Variants in MN1 observed in about 807,000 individuals in gnomAD.
MN1 encodes the protein MN1 proto-oncogene, transcriptional regulator.
MN1 carries 19 observed loss-of-function variants against 86.9 expected under a neutral mutation model. The ratio of observed to expected loss-of-function variants is 0.22; its 90% CI spans 0.15 to 0.32. The LOEUF (loss-of-function observed/expected upper bound fraction) is 0.32, where lower values mean the gene tolerates loss of function less well. Ranked by LOEUF, MN1 falls within the 10% of genes least tolerant of loss-of-function variation. MN1 has a pLI of 1.00. For synonymous variants in MN1, 928 were observed against 849.6 expected (o/e 1.09, Z -1.60); for missense variants, 1,841 against 1,862.0 (o/e 0.99, Z 0.21).
rs2146317476 is a variant in MN1 at position 27,799,017 on chromosome 22, C to T, written c.1527G>A (p.Gly509=). ...TPPVPDSFPS[G]PPLQHPAPDH... Reference sequence around the variant, plus strand: ...CCGGGGCCGGATGCTGCAGGGGCGGCCCCGAAGGGAAGCTGTCGGGCACAG... The same window carrying T: ...CCGGGGCCGGATGCTGCAGGGGCGGTCCCGAAGGGAAGCTGTCGGGCACAG... The change falls in exon 1 of 2, where the codon GGG becomes GGA. Residue 509 remains glycine (G), a synonymous_variant. Coordinates refer to ENST00000302326, the MANE Select transcript of MN1 (RefSeq NM_002430.3). 1 of 1,611,084 alleles carries T rather than the reference C, an allele frequency of 6.2e-7. No homozygotes were observed. The highest frequency in any genetic ancestry group is 8.5e-7 in the Non-Finnish European group (1 of 1,179,184).
chr22:27,771,219 C>A (rs1392827620), intron 1 of MN1, among the ~76,000 whole-genome samples: 4 of 86,646 alleles, frequency 4.6e-5, no homozygotes, highest in South Asian at 4.7e-4. Flanking sequence ...TTTTCCCTAA[C>A]TTTTTTTTTT....
intron 1 of MN1, among the ~76,000 whole-genome samples, chr22:27,755,183 T>C (rs925937928): frequency 2.6e-5 from 4 of 152,210 alleles, no homozygotes; most frequent in Non-Finnish European, 5.9e-5. Context: ...CCAAATGCCC[T>C]GTATCTGGGC....
chr22:27,756,575 C>A (rs1932803477), intron 1 of MN1, among the ~76,000 whole-genome samples: 1 of 152,102 alleles, frequency 6.6e-6, no homozygotes, highest in African/African-American at 2.4e-5. Flanking sequence ...ATCAAGGGCT[C>A]CCTGGGTACT....
Position 27,750,926 on chromosome 22 carries a change from C to A in MN1, c.3952G>T (p.Ala1318Ser). 1.3e-6 allele frequency: 2 copies of A among 1,593,722 alleles called. No individual in the cohort carries two copies. Among genetic ancestry groups the A allele is most frequent in the Non-Finnish European group, 1.7e-6 (2 of 1,167,828 alleles). ...ISNRFGTFVA[A>S]LT Reference sequence around the variant, plus strand: ...ATCTTTCTTGTCATTCAAGTTAGGGCAGCCACGAATGTCCCAAATCTGTTG... The same window carrying A: ...ATCTTTCTTGTCATTCAAGTTAGGGAAGCCACGAATGTCCCAAATCTGTTG... The change falls in exon 2 of 2, where the codon GCC becomes TCC. Residue 1318 changes from alanine (A) to serine (S), a missense_variant. Transcript: ENST00000302326.
chr22:27,796,726 C>G lies in MN1; in HGVS notation c.3781+37G>C, dbSNP rs746292724. On this transcript the variant is annotated intron_variant, in intron 1 of 1. Coordinates refer to ENST00000302326, the MANE Select transcript of MN1 (RefSeq NM_002430.3). ...GTCCTGCCCTGGGGATGGGGCGGGT[C>G]ACCCGGGAAGTGAGAGGAAAACGAG... The G allele has an allele frequency of 9.7e-6, 15 of 1,541,070 alleles. 1 individual carries two copies. In the South Asian group the frequency reaches 1.8e-4, roughly 19 times the overall value.
rs992280372 is a variant in MN1 at position 27,750,722 on chromosome 22, C to A, written c.*193G>T. 3 of 441,106 alleles carry A rather than the reference C, an allele frequency of 6.8e-6. No homozygotes were observed. The highest frequency in any genetic ancestry group is 1.2e-5 in the Non-Finnish European group (3 of 253,592). The allele number at this position is 441,106 out of a possible 1,614,324, so 27.3% of individuals were successfully genotyped here. A position where few individuals can be genotyped will look rare whatever the true frequency, so the allele number is the denominator to read the frequency against. ...CTTTTTTAAAAAAACTTTTGAGGTT[C>A]CCCCCCTTTAAATTAACCCTTTCCG... On this transcript the variant is annotated 3_prime_UTR_variant, in exon 2 of 2. Transcript: ENST00000302326.
chr22:27,800,898 A>G lies in MN1; in HGVS notation c.-355T>C. 2 of 404,200 alleles carry G rather than the reference A, an allele frequency of 4.9e-6. No homozygotes were observed. Among genetic ancestry groups the G allele is most frequent in the African/African-American group, 2.0e-5 (1 of 48,938 alleles). 25.0% of individuals were successfully genotyped at this position (404,200 alleles called of 1,614,324 possible). A position where few individuals can be genotyped will look rare whatever the true frequency, so the allele number is the denominator to read the frequency against. ...CGGAGACAAAAAGTTAAGTGGGGGG[A>G]ATGGGGAGGGAAGGGGGTTGGGAGA... On this transcript the variant is annotated 5_prime_UTR_variant, in exon 1 of 2. Transcript: ENST00000302326.
At chr22:27,752,590 A>G (rs1932775371) in intron 1 of MN1, among the ~76,000 whole-genome samples, 1 of 152,230 alleles carries the variant, frequency 6.6e-6, no homozygotes, top group African/African-American at 2.4e-5. Context: ...AGACCAAAGC[A>G]GGGAATTTGC....
At chr22:27,760,087 C>T (rs909280825) in intron 1 of MN1, among the ~76,000 whole-genome samples, 3 of 152,292 alleles carry the variant, frequency 2.0e-5, no homozygotes, top group Admixed American at 1.3e-4. Flanking sequence ...TGGTGGCTCA[C>T]ACCTGTAATC....
At chr22:27,790,876 G>A (rs2146311918) in intron 1 of MN1, among the ~76,000 whole-genome samples, 1 of 152,242 alleles carries the variant, frequency 6.6e-6, no homozygotes, top group Admixed American at 6.5e-5. Context: ...AGGAGGCCCG[G>A]GAGGCTGAGA....
intron 1 of MN1, among the ~76,000 whole-genome samples, chr22:27,785,701 G>A (rs995831892): frequency 6.6e-6 from 1 of 151,910 alleles, no homozygotes; most frequent in African/African-American, 2.4e-5. Context: ...TTAAAACCAG[G>A]AGTCTAGAAA....
Position 27,797,569 on chromosome 22 carries a change from C to G in MN1, c.2975G>C (p.Gly992Ala). ...SGAAVGGSSAGETRGAPTPHE... is the reference protein window; with the variant it reads ...SGAAVGGSSAAETRGAPTPHE... ...GGGCGTCGGTGCCCCGCGCGTCTCGCCTGCGGAGCTTCCCCCGACGGCTGC... is the reference window on the plus strand; with the variant it reads ...GGGCGTCGGTGCCCCGCGCGTCTCGGCTGCGGAGCTTCCCCCGACGGCTGC... Residue 992 changes from glycine (G) to alanine (A), a missense_variant, in exon 1 of 2, where the codon GGC becomes GCC. Transcript: ENST00000302326. The G allele has an allele frequency of 6.2e-7, 1 of 1,604,986 alleles. No individual in the cohort carries two copies. Among genetic ancestry groups the G allele is most frequent in the Non-Finnish European group, 8.5e-7 (1 of 1,175,910 alleles).
chr22:27,770,872 T>C (rs76570751), intron 1 of MN1, among the ~76,000 whole-genome samples: 6,330 of 151,982 alleles, frequency 0.042, 162 homozygotes, highest in East Asian at 0.059. Context: ...TTGCCTAGGC[T>C]GGTCTTGAAC....
intron 1 of MN1, among the ~76,000 whole-genome samples, chr22:27,761,763 C>A (rs891764997): frequency 8.5e-5 from 13 of 152,238 alleles, no homozygotes; most frequent in Non-Finnish European, 1.5e-4. Flanking sequence ...GGCCTCGCGC[C>A]GGCCGCTGCA....
At chr22:27,757,644 A>G (rs995733989) in intron 1 of MN1, among the ~76,000 whole-genome samples, 10 of 152,042 alleles carry the variant, frequency 6.6e-5, no homozygotes, top group African/African-American at 2.2e-4. Context: ...GCGGGGAGAC[A>G]TTGGGTTCTG....
rs1283508995 is a variant in MN1 at position 27,799,133 on chromosome 22, C to T, written c.1411G>A (p.Ala471Thr). 6.2e-7 allele frequency: 1 copy of T among 1,604,602 alleles called. No individual in the cohort carries two copies. The change falls in exon 1 of 2, where the codon GCT becomes ACT. Residue 471 changes from alanine to threonine, a missense_variant. By Grantham distance (58) the Ala-to-Thr change is moderately conservative. Transcript: ENST00000302326. The part of the protein sequence containing the change: ...FPGSAGVDRC[A>T]SWNGSMHNGA... ...TTGTGCATGCTGCCGTTCCACGAAG[C>T]GCAGCGGTCCACTCCCGCGCTGCCC...
At chr22:27,782,900 T>G (rs1023420287) in intron 1 of MN1, among the ~76,000 whole-genome samples, 1 of 152,146 alleles carries the variant, frequency 6.6e-6, no homozygotes, top group African/African-American at 2.4e-5. Flanking sequence ...CTTGTCAATT[T>G]TATCTATGAG....
At position 27,797,898 on chromosome 22, in the gene MN1, C is replaced by A; in HGVS notation, c.2646G>T (p.Gly882=). The A allele has an allele frequency of 6.3e-7, 1 of 1,598,672 alleles. No homozygotes were observed. The highest frequency in any genetic ancestry group is 8.5e-7 in the Non-Finnish European group (1 of 1,172,600). The change falls in exon 1 of 2, where the codon GGG becomes GGT. Residue 882 remains glycine, a synonymous_variant. Transcript: ENST00000302326. ...CGGGTCCTGGGGCCCCAGGAGCAGT[C>A]CCTCCTGGGAAGTAATCCGAGCCCG... ...GNPGSDYFPG[G]TAPGAPGPGG...
chr22:27,784,361 C>T (rs1933093074), intron 1 of MN1, among the ~76,000 whole-genome samples: 1 of 152,202 alleles, frequency 6.6e-6, no homozygotes, highest in South Asian at 2.1e-4. Flanking sequence ...CAGCCTTTCT[C>T]TCTATTTCAG....
Sources: allele counts gnomAD v4.1 joint callset (sites outside exome capture counted in the v4.1 genomes callset), GRCh38; gene constraint gnomAD v4.1.1; transcripts MANE v1.5; gene names NCBI Gene and HGNC (gene_info 2026-07-23, HGNC 2026-07-21).